Variants in GLT1D1 observed in about 807,000 individuals in gnomAD.
GLT1D1 encodes glycosyltransferase 1 domain containing 1, also known as glycosyltransferase 1 domain-containing protein 1.
In GLT1D1, 21 loss-of-function variants were observed where a neutral mutation model predicts 28.7. The ratio of observed to expected loss-of-function variants is 0.73; its 90% confidence interval spans 0.52 to 1.05. The LOEUF (loss-of-function observed/expected upper bound fraction) is 1.05, where lower values mean the gene tolerates loss of function less well. GLT1D1 is among the 50% of genes least tolerant of loss of function. GLT1D1 has a pLI of 0.00. For synonymous variants in GLT1D1, 147 were observed against 124.8 expected (o/e 1.18, Z -1.19); for missense variants, 343 against 330.6 (o/e 1.04, Z -0.29).
At chr12:128,923,656 G>T (rs576412184) in intron 4 of GLT1D1, among the ~76,000 whole-genome samples, 2 of 152,048 alleles carry the variant, frequency 1.3e-5, no homozygotes. Context: ...CCAGTAGCTG[G>T]GATTACAAGT....
At chr12:128,974,951 G>C (rs1285159642) in intron 7 of GLT1D1, among the ~76,000 whole-genome samples, 1 of 152,222 alleles carries the variant, frequency 6.6e-6, no homozygotes, top group African/African-American at 2.4e-5. Context: ...CCTCATTGAG[G>C]CTGTTCTCCC....
intron 5 of GLT1D1, among the ~76,000 whole-genome samples, chr12:128,945,778 G>A (rs1393367719): frequency 5.9e-5 from 9 of 152,162 alleles, no homozygotes. Context: ...ACAAGTCTGA[G>A]GGTGGTCATT....
At chr12:128,891,200 G>GA (rs1335175045) in intron 3 of GLT1D1, among the ~76,000 whole-genome samples, 3 of 151,850 alleles carry the variant, frequency 2.0e-5, no homozygotes, top group African/African-American at 7.3e-5. Flanking sequence ...TGAAAATTGT[G>GA]AAAAAAAGCG....
At chr12:128,885,419 C>T (rs1957153957) in intron 2 of GLT1D1, among the ~76,000 whole-genome samples, 1 of 151,694 alleles carries the variant, frequency 6.6e-6, no homozygotes, top group African/African-American at 2.4e-5. Flanking sequence ...GATGGGGTTT[C>T]ACCATGTTAG....
chr12:128,946,428 G>A (rs1040383556), intron 5 of GLT1D1, among the ~76,000 whole-genome samples: 1 of 149,592 alleles, frequency 6.7e-6, no homozygotes, highest in African/African-American at 2.5e-5. Flanking sequence ...CTCACTGCAA[G>A]CTCCACCTCC....
In GLT1D1 at chr12:128,984,951, C is replaced by T. The variant is rs373081148; in HGVS notation, c.*1861C>T. On this transcript the variant is annotated 3_prime_UTR_variant, in exon 8 of 8. Coordinates refer to ENST00000281703, the MANE Select transcript of GLT1D1 (RefSeq NM_144669.3). Reference sequence around the variant, plus strand: ...GTTTTTAAATTAATAAAGTGTGTCACCATTAGCCATACGAAAATAGCCTCT... The same window carrying T: ...GTTTTTAAATTAATAAAGTGTGTCATCATTAGCCATACGAAAATAGCCTCT... 3 of 152,318 alleles carry T rather than the reference C, an allele frequency of 2.0e-5. No individual in the cohort carries two copies. Among genetic ancestry groups the T allele is most frequent in the African/African-American group, 7.2e-5 (3 of 41,566 alleles). 9.4% of individuals were successfully genotyped at this position (152,318 alleles called of 1,614,324 possible).
chr12:128,859,643 G>C (rs745758444), intron 1 of GLT1D1, among the ~76,000 whole-genome samples: 39 of 152,198 alleles, frequency 2.6e-4, no homozygotes, highest in Admixed American at 1.3e-4. Flanking sequence ...GAGGGAGACA[G>C]GGCCACGCGA....
At chr12:128,909,023 T>C (rs924782792) in intron 4 of GLT1D1, among the ~76,000 whole-genome samples, 14 of 152,200 alleles carry the variant, frequency 9.2e-5, no homozygotes, top group African/African-American at 3.4e-4. Flanking sequence ...GGTTTTGATA[T>C]TGGCTTCGCA....
In GLT1D1 at chr12:128,874,856, G is replaced by C. The variant is rs189893311; in HGVS notation, c.69-1058G>C. ...TTTACGAATGCTCTTTATATATTAAGCAGATGAGCCTTTTTCTATAGTAAC... is the reference window on the plus strand; with the variant it reads ...TTTACGAATGCTCTTTATATATTAACCAGATGAGCCTTTTTCTATAGTAAC... On this transcript the variant is annotated intron_variant, in intron 1 of 7. Coordinates refer to ENST00000281703, the MANE Select transcript of GLT1D1 (RefSeq NM_144669.3). 1.6e-3 allele frequency among the ~76,000 whole-genome samples: 245 copies of C among 152,174 alleles called. 1 individual carries two copies. The highest frequency in any genetic ancestry group is 5.4e-3 in the African/African-American group (226 of 41,520).
At chr12:128,907,300 A>C (rs940251485) in intron 4 of GLT1D1, among the ~76,000 whole-genome samples, 1 of 122,566 alleles carries the variant, frequency 8.2e-6, no homozygotes, top group Non-Finnish European at 1.6e-5. Flanking sequence ...CCAGGAAGCT[A>C]ATCTTTTTTT....
intron 4 of GLT1D1, among the ~76,000 whole-genome samples, chr12:128,931,917 G>GCACGCGCACA (rs1368012620): frequency 0.03 from 4,224 of 141,090 alleles, 98 homozygotes; most frequent in Non-Finnish European, 0.048. Flanking sequence ...ACACACGCAC[G>GCACGCGCACA]CACACACACA....
intron 2 of GLT1D1, among the ~76,000 whole-genome samples, chr12:128,881,562 ATATATATATATATATATATAT>A (rs1216467025): frequency 4.6e-5 from 1 of 21,874 alleles, no homozygotes; most frequent in Non-Finnish European, 7.8e-5. Flanking sequence ...AAAAAAAAAA[ATATATATATATATATATATAT>A]ATATATATAT....
chr12:128,874,059 C>CCCTTCTTT lies in GLT1D1; in HGVS notation c.69-1854_69-1853insCTTCTTTC, dbSNP rs1555261542. Among the ~76,000 whole-genome samples the CCCTTCTTT allele has an allele frequency of 5.8e-5, 2 of 34,694 alleles. 1 individual carries two copies. Among genetic ancestry groups the CCCTTCTTT allele is most frequent in the African/African-American group, 3.0e-4 (2 of 6,616 alleles). The allele number at this position is 34,694 out of a possible 152,430, so 22.8% of individuals were successfully genotyped here. On this transcript the variant is annotated intron_variant, in intron 1 of 7. Coordinates refer to ENST00000281703, the MANE Select transcript of GLT1D1 (RefSeq NM_144669.3). ...TCCCTCCCTGCCTCCCTCCCTCCCT[C>CCCTTCTTT]CTTTCTTTCTTTCTTTCTTTCTTTC... is the stretch of plus-strand genomic sequence containing the variant.
intron 6 of GLT1D1, among the ~76,000 whole-genome samples, chr12:128,955,358 G>A (rs1877165400): frequency 6.6e-6 from 1 of 152,090 alleles, no homozygotes; most frequent in Admixed American, 6.6e-5. Context: ...AAAGAAGGTG[G>A]TTGAGGTTGA....
chr12:128,908,442 T>C (rs1273708584), intron 4 of GLT1D1, among the ~76,000 whole-genome samples: 1 of 151,142 alleles, frequency 6.6e-6, no homozygotes, highest in Non-Finnish European at 1.5e-5. Context: ...TTCCTTTCTT[T>C]CCTTCTTTCC....
At chr12:128,904,886 G>A (rs1043656016) in intron 4 of GLT1D1, among the ~76,000 whole-genome samples, 5 of 151,588 alleles carry the variant, frequency 3.3e-5, no homozygotes, top group East Asian at 1.9e-4. Context: ...CACCTGCCTC[G>A]GCCTCCCAAA....
At position 128,950,988 on chromosome 12, in the gene GLT1D1, G is replaced by A. The variant is rs115548288; in HGVS notation, c.540+3530G>A. ...CGTCATGGCGACTACAGTTAATAACGATATCCTTGAAAATTGCTAAGAGTA... is the reference window on the plus strand; with the variant it reads ...CGTCATGGCGACTACAGTTAATAACAATATCCTTGAAAATTGCTAAGAGTA... On this transcript the variant is annotated intron_variant, in intron 6 of 7. Transcript: ENST00000281703. Among the ~76,000 whole-genome samples the A allele has an allele frequency of 5.3e-3, 809 of 152,282 alleles. 10 individuals carry two copies. Among genetic ancestry groups the A allele is most frequent in the African/African-American group, 0.017 (708 of 41,562 alleles).
chr12:128,944,808 A>G (rs559038352), intron 4 of GLT1D1: 147 of 227,550 alleles, frequency 6.5e-4, no homozygotes, highest in African/African-American at 2.7e-3. Context: ...ATATATATGT[A>G]TATATATATA....
At chr12:128,895,417 AG>A (rs1390882381) in intron 3 of GLT1D1, among the ~76,000 whole-genome samples, 1 of 151,254 alleles carries the variant, frequency 6.6e-6, no homozygotes, top group Non-Finnish European at 1.5e-5. Context: ...TGGGCAAGTT[AG>A]GGGAGGGGTC....
Sources: allele counts gnomAD v4.1 joint callset (sites outside exome capture counted in the v4.1 genomes callset), GRCh38; gene constraint gnomAD v4.1.1; transcripts MANE v1.5; gene names NCBI Gene and HGNC (gene_info 2026-07-23, HGNC 2026-07-21).